The following TBCK variants were observed in gnomAD, a reference collection of about 807,000 sequenced individuals.
The protein encoded by TBCK is TBC domain-containing protein kinase-like protein.
TBCK carries 99 observed loss-of-function variants against 113.4 expected under a neutral mutation model. The observed-to-expected ratio is 0.87, with a 90% confidence interval of 0.74 to 1.03. TBCK has a LOEUF of 1.03. Ranked by LOEUF, TBCK falls within the 50% of genes least tolerant of loss-of-function variation. TBCK has a pLI of 0.00. For missense variants in TBCK, 1,045 were observed against 1,061.3 expected (o/e 0.98, Z 0.21); for synonymous variants, 369 against 370.8 (o/e 1.00, Z 0.05).
intron 24 of TBCK, among the ~76,000 whole-genome samples, chr4:106,114,250 C>T (rs1232136518): frequency 6.6e-6 from 1 of 152,076 alleles, no homozygotes; most frequent in African/African-American, 2.4e-5. Context: ...TCTTGGAAGG[C>T]GGGGAGGTTT....
chr4:106,203,667 C>T (rs9685018), intron 20 of TBCK, among the ~76,000 whole-genome samples: 21,427 of 150,222 alleles, frequency 0.14, 1,704 homozygotes, highest in South Asian at 0.25. Flanking sequence ...GAAAATCACT[C>T]AGATAATTTA....
intron 25 of TBCK, among the ~76,000 whole-genome samples, chr4:106,052,424 A>G (rs1299008971): frequency 1.3e-5 from 2 of 151,816 alleles, no homozygotes; most frequent in African/African-American, 4.8e-5. Flanking sequence ...ATCCATGTTT[A>G]TTTTATAAAT....
At position 106,095,465 on chromosome 4, in the gene TBCK, T is replaced by A. The variant is rs201440858; in HGVS notation, c.2571+17A>T. 7.2e-5 allele frequency: 116 copies of A among 1,610,004 alleles called. No individual in the cohort carries two copies. The highest frequency in any genetic ancestry group is 6.6e-4 in the Middle Eastern group (4 of 6,040). ...TCACTCATCATATGTACATATGACA[T>A]TTCTGAATATACTTACCTCAGCTGT... On this transcript the variant is annotated intron_variant, in intron 25 of 25. Transcript: ENST00000394708.
intron 23 of TBCK, among the ~76,000 whole-genome samples, chr4:106,162,141 C>A (rs915050773): frequency 1.3e-4 from 20 of 152,192 alleles, no homozygotes; most frequent in African/African-American, 4.8e-4. Context: ...GAGAAATTGG[C>A]CAAAACAACA....
intron 20 of TBCK, among the ~76,000 whole-genome samples, chr4:106,206,865 T>C (rs991938665): frequency 2.6e-5 from 4 of 152,190 alleles, no homozygotes; most frequent in Non-Finnish European, 5.9e-5. Context: ...CAGCATATCA[T>C]GGAATTTGTT....
intron 3 of TBCK, among the ~76,000 whole-genome samples, chr4:106,276,138 A>G (rs922090099): frequency 2.0e-5 from 3 of 152,202 alleles, no homozygotes; most frequent in Admixed American, 1.3e-4. Context: ...TTAATTTTCA[A>G]TAATGGCACC....
chr4:106,306,236 ATTTTTTTTTTTTTTTTTTTTT>A (rs60417567), intron 2 of TBCK, among the ~76,000 whole-genome samples: 2 of 97,352 alleles, frequency 2.1e-5, no homozygotes, highest in South Asian at 7.8e-4. Context: ...TGCCTGGCTA[ATTTTTTTTTTTTTTTTTTTTT>A]TTTTTTTGGT....
At chr4:106,097,389 T>A (rs972951319) in intron 24 of TBCK, among the ~76,000 whole-genome samples, 7 of 152,152 alleles carry the variant, frequency 4.6e-5, no homozygotes, top group African/African-American at 1.7e-4. Context: ...AACACTCTTG[T>A]CATGAAACTT....
rs144707881 is a variant in TBCK, at chr4:106,262,145, T to C, written c.334A>G (p.Ile112Val). 5.4e-5 allele frequency: 84 copies of C among 1,548,700 alleles called. 1 individual carries two copies. In the East Asian group the frequency reaches 1.3e-3, roughly 24 times the overall value. The change falls in exon 4 of 26, where the codon ATA becomes GTA. Residue 112 changes from isoleucine to valine, a missense_variant. By Grantham distance (29) the Ile-to-Val change is conservative (BLOSUM62 3). Transcript: ENST00000394708. The part of the protein sequence containing the change: ...QGLQYMNKHG[I>V]VHRALSPHNI... Reference sequence around the variant, plus strand: ...TGAGGAGACAATGCCCTGTGTACTATACCATGTTTGTTCATATACTGCAAG... The same window carrying C: ...TGAGGAGACAATGCCCTGTGTACTACACCATGTTTGTTCATATACTGCAAG...
chr4:106,093,586 T>C (rs1740569785), intron 25 of TBCK, among the ~76,000 whole-genome samples: 1 of 152,144 alleles, frequency 6.6e-6, no homozygotes, highest in African/African-American at 2.4e-5. Context: ...CTTAAAATGG[T>C]TTATGATCAA....
chr4:106,316,243 T>A (rs1358260379), upstream of TBCK: 1 of 295,818 alleles, frequency 3.4e-6, no homozygotes, highest in Non-Finnish European at 6.4e-6. Flanking sequence ...TCTTCCGCCC[T>A]CACAGCCACC....
intron 25 of TBCK, among the ~76,000 whole-genome samples, chr4:106,050,960 G>A (rs1163113455): frequency 6.6e-6 from 1 of 151,940 alleles, no homozygotes; most frequent in African/African-American, 2.4e-5. Flanking sequence ...GTCTGAATAT[G>A]GAAGGTTCTT....
intron 22 of TBCK, among the ~76,000 whole-genome samples, chr4:106,188,639 T>C (rs1753309116): frequency 6.6e-6 from 1 of 152,216 alleles, no homozygotes; most frequent in Non-Finnish European, 1.5e-5. Context: ...TCTTGACAAT[T>C]TGGGACCAGG....
chr4:106,074,438 T>C (rs1737920782), intron 25 of TBCK, among the ~76,000 whole-genome samples: 2 of 152,248 alleles, frequency 1.3e-5, no homozygotes, highest in South Asian at 4.1e-4. Context: ...TGCTCACTAG[T>C]ATCAGGCTCT....
intron 12 of TBCK, chr4:106,238,810 G>C (rs1759756773): frequency 1.3e-5 from 2 of 152,156 alleles, no homozygotes. Context: ...GGGAATCACA[G>C]CTCAACAGGA....
chr4:106,065,648 C>T (rs1353698837), intron 25 of TBCK, among the ~76,000 whole-genome samples: 1 of 152,004 alleles, frequency 6.6e-6, no homozygotes, highest in African/African-American at 2.4e-5. Flanking sequence ...TCTAGGACTC[C>T]ACTTCACTCA....
chr4:106,209,820 A>G (rs1276362160), intron 20 of TBCK, among the ~76,000 whole-genome samples: 1 of 151,822 alleles, frequency 6.6e-6, no homozygotes, highest in African/African-American at 2.4e-5. Flanking sequence ...AAGTTTTTAT[A>G]TTTATCTCTT....
In TBCK at chr4:106,067,230, T is replaced by C. The variant is rs78288991; in HGVS notation, c.2572-20550A>G. Among the ~76,000 whole-genome samples the C allele has an allele frequency of 5.5e-3, 845 of 152,276 alleles. 9 individuals carry two copies. Among genetic ancestry groups the C allele is most frequent in the African/African-American group, 0.019 (792 of 41,564 alleles). ...TAATTTTTATTTCCCTAATGACTAA[T>C]GATACTGATTATCTTTTCCATGTGC... On this transcript the variant is annotated intron_variant, in intron 25 of 25. Transcript: ENST00000394708.
chr4:106,254,961 T>G (rs756798406), intron 5 of TBCK: 9 of 171,420 alleles, frequency 5.3e-5, no homozygotes, highest in Non-Finnish European at 9.0e-5. Flanking sequence ...TAGTTTCTCT[T>G]TGGGAAAATG....
Sources: gnomAD v4.1 joint callset for allele counts (sites outside exome capture counted in the v4.1 genomes callset) on GRCh38, gnomAD v4.1.1 for gene constraint, MANE v1.5 for transcripts, NCBI Gene and HGNC (gene_info 2026-07-23, HGNC 2026-07-21) for gene names.